The following DCDC1 variants were observed in gnomAD, a reference collection of about 807,000 sequenced individuals.
DCDC1 encodes the protein doublecortin domain-containing protein 1.
Under a neutral mutation model 178.3 loss-of-function variants are expected in DCDC1, and 200 were observed. The observed-to-expected ratio is 1.12, with a 90% CI of 1.00 to 1.26. The LOEUF is 1.26. Ranked by LOEUF, DCDC1 falls within the 50% of genes most tolerant of loss-of-function variation. The probability of loss-of-function intolerance (pLI) is 0.00; values close to 1 mark genes in which losing one functional copy is unlikely to be tolerated. For missense variants in DCDC1, 1,983 were observed against 1,749.2 expected, an observed-to-expected ratio of 1.13 and a Z score of -2.38; for synonymous variants, 690 against 604.8, an observed-to-expected ratio of 1.14 and a Z score of -2.07.
chr11:30,920,687 T>C, intron 25 of DCDC1, 89 bp downstream of exon 25: 6 of 1,470,546 alleles, frequency 4.1e-6, no homozygotes, highest in Non-Finnish European at 5.5e-6. Flanking sequence ...TGGCATGAGC[T>C]CCCTGCATGG....
At chr11:30,936,222 T>A (rs924368572) in intron 21 of DCDC1, among the ~76,000 whole-genome samples, 3 of 152,162 alleles carry the variant, frequency 2.0e-5, no homozygotes, top group African/African-American at 7.2e-5. Flanking sequence ...TTGGTTTCCA[T>A]AGTAGGAAGA....
At chr11:31,136,970 G>A (rs1240343393) in intron 10 of DCDC1, among the ~76,000 whole-genome samples, 3 of 152,012 alleles carry the variant, frequency 2.0e-5, no homozygotes, top group Non-Finnish European at 4.4e-5. Context: ...AAATAACTTT[G>A]TTAGTATTTC....
chr11:31,334,483 C>A (rs1028285614), intron 2 of DCDC1, among the ~76,000 whole-genome samples: 3 of 152,178 alleles, frequency 2.0e-5, no homozygotes, highest in Non-Finnish European at 4.4e-5. Context: ...GAATTGTCAG[C>A]TTTTCTGCTC....
intron 20 of DCDC1, among the ~76,000 whole-genome samples, chr11:31,020,469 A>G (rs1952794572): frequency 6.6e-6 from 1 of 152,174 alleles, no homozygotes; most frequent in Admixed American, 6.5e-5. Context: ...AAGTCATTAG[A>G]TCAACTCTCC....
chr11:31,043,008 T>C (rs767047800), intron 20 of DCDC1, among the ~76,000 whole-genome samples: 1 of 152,222 alleles, frequency 6.6e-6, no homozygotes, highest in Non-Finnish European at 1.5e-5. Context: ...TAGAGCGTAC[T>C]CCACAAATCT....
At chr11:30,972,189 C>T (rs77870897) in intron 20 of DCDC1, among the ~76,000 whole-genome samples, 3,047 of 152,196 alleles carry the variant, frequency 0.02, 91 homozygotes, top group African/African-American at 0.069. Flanking sequence ...TATAGTATAA[C>T]TGGCAAAGTC....
intron 20 of DCDC1, among the ~76,000 whole-genome samples, chr11:31,033,091 T>A (rs1316053817): frequency 1.3e-5 from 2 of 152,124 alleles, no homozygotes; most frequent in Non-Finnish European, 2.9e-5. Flanking sequence ...GCACAAGTGG[T>A]AAATGAGATA....
Position 31,064,535 on chromosome 11 carries a change from G to C in DCDC1, c.2525C>G (p.Thr842Arg). Residue 842 changes from threonine (T) to arginine (R), a missense_variant, in exon 20 of 39, where the codon ACG becomes AGG. Physicochemically the swap from Thr to Arg is moderately conservative, Grantham distance 71. Transcript: ENST00000684477. ...HLMPEGSLEE[T>R]GELTVALVRK... ...CACCAGTGCTACTGTCAGCTCCCCC[G>C]TCTCCTCAAGAGAACCTTCTGGCAT... is the stretch of plus-strand genomic sequence containing the variant. The C allele has an allele frequency of 1.3e-6, 1 of 765,870 alleles. No homozygotes were observed. Among genetic ancestry groups the C allele is most frequent in the East Asian group, 2.4e-5 (1 of 41,218 alleles). The allele number at this position is 765,870 out of a possible 1,614,324, so 47.4% of individuals were successfully genotyped here.
At chr11:31,213,100 C>CTCTCT (rs1972851664) in intron 9 of DCDC1, among the ~76,000 whole-genome samples, 2 of 44,274 alleles carry the variant, frequency 4.5e-5, no homozygotes, top group African/African-American at 1.7e-4. Flanking sequence ...TAAAGCCCAG[C>CTCTCT]CTCTCTCTCT....
chr11:31,031,937 G>A (rs1331579177), intron 20 of DCDC1, among the ~76,000 whole-genome samples: 1 of 152,040 alleles, frequency 6.6e-6, no homozygotes, highest in East Asian at 1.9e-4. Flanking sequence ...ATTTTAATAT[G>A]TTTGATATTC....
intron 8 of DCDC1, chr11:31,262,593 C>A (rs1001745312): frequency 6.6e-6 from 1 of 152,490 alleles, no homozygotes; most frequent in African/African-American, 2.4e-5. Context: ...TTTTTCTGAT[C>A]TGATACAAAG....
In DCDC1 at chr11:31,192,082, C is replaced by A. The variant is rs189466412; in HGVS notation, c.1221+49368G>T. Among the ~76,000 whole-genome samples the A allele has an allele frequency of 2.1e-3, 321 of 152,078 alleles. 1 individual carries two copies. Among genetic ancestry groups the A allele is most frequent in the African/African-American group, 6.6e-3 (274 of 41,508 alleles). On this transcript the variant is annotated intron_variant, in intron 9 of 38. Coordinates refer to ENST00000684477, the MANE Select transcript of DCDC1 (RefSeq NM_001387274.1). ...TTCCCTTTCCTTATCCAGGTAATCACTAAGTCCCACCAACTGTGGCTCACC... is the reference window on the plus strand; with the variant it reads ...TTCCCTTTCCTTATCCAGGTAATCAATAAGTCCCACCAACTGTGGCTCACC...
intron 34 of DCDC1, among the ~76,000 whole-genome samples, chr11:30,896,376 G>A (rs1390108795): frequency 6.6e-6 from 1 of 152,106 alleles, no homozygotes; most frequent in Non-Finnish European, 1.5e-5. Flanking sequence ...TTTCTGATTG[G>A]AAATTGGGGA....
intron 6 of DCDC1, among the ~76,000 whole-genome samples, chr11:31,297,811 T>A (rs1226972466): frequency 2.0e-5 from 3 of 152,240 alleles, no homozygotes; most frequent in Non-Finnish European, 4.4e-5. Flanking sequence ...AGCAACCATT[T>A]GTCTCTTATC....
chr11:31,178,924 C>A (rs1252028730), intron 9 of DCDC1, among the ~76,000 whole-genome samples: 1 of 152,148 alleles, frequency 6.6e-6, no homozygotes, highest in Non-Finnish European at 1.5e-5. Context: ...AACTCCTGAC[C>A]TTGTGACTTG....
At chr11:31,062,290 G>A (rs1308137119) in intron 20 of DCDC1, among the ~76,000 whole-genome samples, 1 of 152,114 alleles carries the variant, frequency 6.6e-6, no homozygotes, top group Non-Finnish European at 1.5e-5. Flanking sequence ...TAAGCCTAGA[G>A]AGGCCAGAAA....
chr11:31,159,479 T>C (rs1966089517), intron 9 of DCDC1, among the ~76,000 whole-genome samples: 1 of 152,168 alleles, frequency 6.6e-6, no homozygotes, highest in Non-Finnish European at 1.5e-5. Flanking sequence ...ATACTACTAC[T>C]ATCTAGTATC....
At chr11:31,222,439 G>T (rs535410445) in intron 9 of DCDC1, among the ~76,000 whole-genome samples, 7 of 152,000 alleles carry the variant, frequency 4.6e-5, no homozygotes, top group Admixed American at 3.9e-4. Context: ...CATATTTCCA[G>T]CATCACCTCA....
intron 7 of DCDC1, among the ~76,000 whole-genome samples, chr11:31,278,182 A>G (rs538679255): frequency 1.1e-4 from 17 of 152,214 alleles, no homozygotes; most frequent in Admixed American, 1.0e-3. Flanking sequence ...AGAATGATTT[A>G]CCCATGTATG....
Sources: gnomAD v4.1 joint callset for allele counts (sites outside exome capture counted in the v4.1 genomes callset) on GRCh38, gnomAD v4.1.1 for gene constraint, MANE v1.5 for transcripts, NCBI Gene and HGNC (gene_info 2026-07-23, HGNC 2026-07-21) for gene names.